Variants in PTPRF observed in about 807,000 individuals in gnomAD.
PTPRF encodes the protein protein tyrosine phosphatase receptor type F.
A neutral mutation model predicts 201.8 loss-of-function variants in PTPRF; 59 were observed. The observed-to-expected ratio is 0.29, with a 90% confidence interval of 0.24 to 0.36. The LOEUF (loss-of-function observed/expected upper bound fraction) is 0.36. Among genes scored for constraint, PTPRF ranks in the 10% least tolerant of loss-of-function variants. The pLI, the probability that PTPRF is intolerant of heterozygous loss-of-function variation, is 1.00. For synonymous variants in PTPRF, 1,088 were observed against 1,089.7 expected (o/e 1.00, Z 0.03); for missense variants, 2,132 against 2,690.5 (o/e 0.79, Z 4.59).
chr1:43,571,848 T>C (rs1401738041), intron 6 of PTPRF, among the ~76,000 whole-genome samples: 1 of 152,266 alleles, frequency 6.6e-6, no homozygotes, highest in Non-Finnish European at 1.5e-5. Flanking sequence ...GGGTCCTGGC[T>C]ACACCACTTA....
intron 7 of PTPRF, among the ~76,000 whole-genome samples, chr1:43,580,248 A>G (rs2077652): frequency 0.11 from 16,541 of 152,050 alleles, 1,089 homozygotes; most frequent in African/African-American, 0.18. Flanking sequence ...CTTTGGGGCC[A>G]TGTGGTCAGA....
chr1:43,546,763 C>T lies in PTPRF; in HGVS notation c.91+1597C>T, dbSNP rs1294886430. Among the ~76,000 whole-genome samples, 2 of 152,152 alleles carry T rather than the reference C, an allele frequency of 1.3e-5. No individual in the cohort carries two copies. Among genetic ancestry groups the T allele is most frequent in the East Asian group, 3.8e-4 (2 of 5,196 alleles). ...CCAGCCTGCTGTCTTCCCGTGTTCT[C>T]TCCCGTGAAAGGCATTACCACCCAC... is the stretch of plus-strand genomic sequence containing the variant. On this transcript the variant is annotated intron_variant, in intron 3 of 33. Coordinates refer to ENST00000359947, the MANE Select transcript of PTPRF (RefSeq NM_002840.5). The surrounding 1 kb of genome is among the most constrained non-coding windows in gnomAD (Gnocchi z 4.2).
chr1:43,609,425 C>G lies in PTPRF; in HGVS notation c.3900C>G (p.Ile1300Met). 6.2e-7 allele frequency: 1 copy of G among 1,614,086 alleles called. No homozygotes were observed. The highest frequency in any genetic ancestry group is 1.1e-5 in the South Asian group (1 of 91,070). ...CGTCCTCTAAGGATGAGCAGTCGAT[C>G]GGACTGAAGGACTCCTTGCTGGCCC... The part of the protein sequence containing the change: ...HSPSSKDEQS[I>M]GLKDSLLAHS... Residue 1300 changes from isoleucine (I) to methionine (M), a missense_variant, in exon 22 of 34, where the codon ATC becomes ATG. Ile to Met is a conservative substitution (Grantham distance 10). This residue lies in a region of PTPRF where 818 missense variants were observed against 915.3 expected (regional missense o/e 0.89). Coordinates refer to ENST00000359947, the MANE Select transcript of PTPRF (RefSeq NM_002840.5).
At chr1:43,556,723 C>T (rs1645401939) in intron 5 of PTPRF, among the ~76,000 whole-genome samples, 1 of 152,228 alleles carries the variant, frequency 6.6e-6, no homozygotes, top group Non-Finnish European at 1.5e-5. Flanking sequence ...GATATAATGC[C>T]TACCACCCAA....
Position 43,620,576 on chromosome 1 carries a change from C to T in PTPRF, c.5361C>T (p.Ala1787=). The T allele has an allele frequency of 5.0e-6, 8 of 1,613,488 alleles. No homozygotes were observed. The highest frequency in any genetic ancestry group is 6.8e-6 in the Non-Finnish European group (8 of 1,179,644). Residue 1787 remains alanine (A), a synonymous_variant, in exon 31 of 34, where the codon GCC becomes GCT. Transcript: ENST00000359947. ...TGCGTGAGTTCAAGGTCACGGATGC[C>T]CGGGTGAGTGAGTGCATTGAGTGTG... ...YILREFKVTD[A]RDGQSRTIRQ...
chr1:43,527,210 CA>C (rs1303633147), upstream of PTPRF, among the ~76,000 whole-genome samples: 4 of 152,232 alleles, frequency 2.6e-5, no homozygotes, highest in African/African-American at 9.6e-5. Flanking sequence ...ACAGCAGACA[CA>C]CAATGACCAC....
At chr1:43,604,853 C>G (rs1282496689) in intron 16 of PTPRF, 50 bp from the exon 17 acceptor site, 2 of 1,518,610 alleles carry the variant, frequency 1.3e-6, no homozygotes, top group Non-Finnish European at 1.8e-6. Flanking sequence ...CCAGCCCATT[C>G]ACCCCACCTC....
upstream of PTPRF, among the ~76,000 whole-genome samples, chr1:43,529,607 C>T (rs1377205230): frequency 6.6e-6 from 1 of 151,764 alleles, no homozygotes. Flanking sequence ...CCCCATCCTT[C>T]ATGGTGAAGC....
chr1:43,591,445 G>T lies in PTPRF; in HGVS notation c.1423G>T (p.Val475Leu), dbSNP rs150324325. The T allele has an allele frequency of 6.3e-6, 10 of 1,592,276 alleles. No homozygotes were observed. In the Admixed American group the frequency reaches 1.4e-4, roughly 22 times the overall value. ...CACCGACGCGGGGCTCCTCACGACC[G>T]TGGGCAGCCTGCTGCCTGGCATCAC... ...HNTDAGLLTT[V>L]GSLLPGITYS... The change falls in exon 9 of 34, where the codon GTG becomes TTG. Residue 475 changes from valine (V) to leucine (L), a missense_variant. Physicochemically the swap from Val to Leu is conservative, Grantham distance 32. Coordinates refer to ENST00000359947, the MANE Select transcript of PTPRF (RefSeq NM_002840.5).
chr1:43,605,333 C>T lies in PTPRF; in HGVS notation c.3279C>T (p.Ile1093=). The change falls in exon 18 of 34, where the codon ATC becomes ATT. Residue 1093 remains isoleucine (I), a synonymous_variant. Transcript: ENST00000359947. ...SAGGLQHLVS[I]RTAPDLLPHK... is the part of the protein sequence containing the mutation. ...GGGGCCTGCAGCACCTGGTGTCCAT[C>T]CGCACAGCCCCCGACCTCCTGCCTC... 6.2e-7 allele frequency: 1 copy of T among 1,613,830 alleles called. No homozygotes were observed. Among genetic ancestry groups the T allele is most frequent in the Non-Finnish European group, 8.5e-7 (1 of 1,179,970 alleles).
In PTPRF at chr1:43,620,855, A is replaced by C; in HGVS notation, c.5382A>C (p.Thr1794=). The C allele has an allele frequency of 1.2e-6, 2 of 1,613,012 alleles. No individual in the cohort carries two copies. The highest frequency in any genetic ancestry group is 1.7e-6 in the Non-Finnish European group (2 of 1,179,340). ...VTDARDGQSR[T]IRQFQFTDWP... is the part of the protein sequence containing the mutation. Reference sequence around the variant, plus strand: ...TTTCCCAGGATGGGCAGTCAAGGACAATCCGGCAGTTCCAGTTCACAGACT... The same window carrying C: ...TTTCCCAGGATGGGCAGTCAAGGACCATCCGGCAGTTCCAGTTCACAGACT... Residue 1794 remains threonine, a synonymous_variant, in exon 32 of 34, where the codon ACA becomes ACC. Coordinates refer to ENST00000359947, the MANE Select transcript of PTPRF (RefSeq NM_002840.5).
At chr1:43,568,484 A>G (rs984499518) in intron 5 of PTPRF, among the ~76,000 whole-genome samples, 7 of 152,170 alleles carry the variant, frequency 4.6e-5, no homozygotes, top group African/African-American at 1.4e-4. Context: ...GCTCCGCAAC[A>G]CCTTGCATGC....
chr1:43,574,757 G>T (rs991384901), intron 6 of PTPRF, among the ~76,000 whole-genome samples: 10 of 152,250 alleles, frequency 6.6e-5, no homozygotes, highest in African/African-American at 2.4e-4. Context: ...CCAGGTCCCA[G>T]CCTTTGCCCT....
At chr1:43,572,551 T>C (rs1284384624) in intron 6 of PTPRF, among the ~76,000 whole-genome samples, 1 of 152,176 alleles carries the variant, frequency 6.6e-6, no homozygotes, top group Non-Finnish European at 1.5e-5. Flanking sequence ...TTGGCCTCAG[T>C]TGTTGCTGGC....
intron 2 of PTPRF, among the ~76,000 whole-genome samples, 158 bp from the exon 3 acceptor site, chr1:43,544,873 A>G (rs1324725419): frequency 6.6e-6 from 1 of 151,924 alleles, no homozygotes; most frequent in Non-Finnish European, 1.5e-5. Flanking sequence ...TGGGGTCAGA[A>G]GGTCTAGGTG....
intron 25 of PTPRF, among the ~76,000 whole-genome samples, 191 bp from the exon 26 acceptor site, chr1:43,618,439 G>T (rs1197112854): frequency 6.6e-6 from 1 of 152,178 alleles, no homozygotes; most frequent in Non-Finnish European, 1.5e-5. Context: ...ACTAGCTAGG[G>T]CAGGGCGGTG....
At chr1:43,596,882 G>A (rs961602649) in intron 11 of PTPRF, among the ~76,000 whole-genome samples, 7 of 152,218 alleles carry the variant, frequency 4.6e-5, no homozygotes, top group African/African-American at 1.7e-4. Context: ...AGAACTCTAA[G>A]ACATTGTGTG....
At chr1:43,574,120 C>T (rs1375311436) in intron 6 of PTPRF, among the ~76,000 whole-genome samples, 1 of 150,716 alleles carries the variant, frequency 6.6e-6, no homozygotes, top group East Asian at 2.0e-4. Context: ...CCTCATACTC[C>T]TGAGTAGCTG....
intron 5 of PTPRF, among the ~76,000 whole-genome samples, chr1:43,557,308 T>C (rs572317467): frequency 2.6e-5 from 4 of 152,162 alleles, no homozygotes; most frequent in Non-Finnish European, 2.9e-5. Flanking sequence ...GAGGTGGTCT[T>C]TCAGGCCTGG....
Sources: gnomAD v4.1 joint callset for allele counts (sites outside exome capture counted in the v4.1 genomes callset) on GRCh38, gnomAD v4.1.1 for gene constraint, gnomAD v4.1.1 regional missense constraint, Gnocchi (gnomAD v3.1) non-coding constraint, MANE v1.5 for transcripts, NCBI Gene and HGNC (gene_info 2026-07-23, HGNC 2026-07-21) for gene names.